The following TG variants were observed in gnomAD, a reference collection of about 807,000 sequenced individuals.
The protein encoded by TG is thyroid hormones.
A neutral mutation model predicts 324.7 loss-of-function variants in TG; 270 were observed. The observed-to-expected ratio is 0.83, with a 90% confidence interval of 0.75 to 0.92. TG has a LOEUF of 0.92. Among genes scored for constraint, TG ranks in the 40% least tolerant of loss-of-function variants. The pLI is 0.00. For missense variants in TG, 3,591 were observed against 3,456.4 expected, an observed-to-expected ratio of 1.04 and a Z score of -0.98; for synonymous variants, 1,401 against 1,327.0, an observed-to-expected ratio of 1.06 and a Z score of -1.21.
In TG at chr8:132,931,443, C is replaced by A. The variant is rs565817975; in HGVS notation, c.4817-2118C>A. 2.0e-5 allele frequency among the ~76,000 whole-genome samples: 3 copies of A among 152,212 alleles called. No homozygotes were observed. In the East Asian group the frequency reaches 5.8e-4, roughly 29 times the overall value. ...TTTAAGGGGTAGGAAAATAAAGCCA[C>A]TGAGTCAATGAAGGGTTGGATATCA... is the stretch of plus-strand genomic sequence containing the variant. On this transcript the variant is annotated intron_variant, in intron 23 of 47. Transcript: ENST00000220616.
intron 28 of TG, among the ~76,000 whole-genome samples, chr8:132,962,350 A>G (rs1024389518): frequency 2.0e-5 from 3 of 152,090 alleles, no homozygotes; most frequent in Non-Finnish European, 2.9e-5. Context: ...TGCCCATGGT[A>G]TGCCTGGGAG....
chr8:133,039,842 T>G (rs1167445797), intron 41 of TG, among the ~76,000 whole-genome samples: 1 of 152,136 alleles, frequency 6.6e-6, no homozygotes. Context: ...TCTACACTTG[T>G]GGGGGGTGCT....
chr8:133,076,278 C>T (rs913878253), intron 41 of TG, among the ~76,000 whole-genome samples: 4 of 152,186 alleles, frequency 2.6e-5, no homozygotes, highest in African/African-American at 9.7e-5. Context: ...AATCTACGGC[C>T]GGTGACCCAG....
At chr8:133,060,249 C>T (rs1389608696) in intron 41 of TG, 1 of 1,611,534 alleles carries the variant, frequency 6.2e-7, no homozygotes, top group Admixed American at 1.7e-5. Flanking sequence ...CCTGAGCCCT[C>T]CAAGTGGAGA....
intron 41 of TG, among the ~76,000 whole-genome samples, chr8:133,093,611 C>T (rs1388615780): frequency 6.6e-6 from 1 of 152,162 alleles, no homozygotes; most frequent in Non-Finnish European, 1.5e-5. Context: ...CCAGGATCCC[C>T]CAATTCCATG....
intron 41 of TG, among the ~76,000 whole-genome samples, chr8:133,093,330 A>C (rs1847880510): frequency 6.6e-6 from 1 of 151,966 alleles, no homozygotes; most frequent in South Asian, 2.1e-4. Context: ...GCTGCTTATC[A>C]GAGGATCCTG....
chr8:132,965,154 G>A (rs1014242853), intron 29 of TG, among the ~76,000 whole-genome samples: 1 of 152,116 alleles, frequency 6.6e-6, no homozygotes, highest in Non-Finnish European at 1.5e-5. Flanking sequence ...GAAGGCTGGG[G>A]AGGCAATATG....
intron 43 of TG, among the ~76,000 whole-genome samples, chr8:133,106,731 G>T (rs764142552): frequency 6.6e-6 from 1 of 152,114 alleles, no homozygotes; most frequent in Non-Finnish European, 1.5e-5. Context: ...TTCTATGCAC[G>T]AATCTTGTTC....
At chr8:133,022,519 T>C (rs1835657968) in intron 40 of TG, among the ~76,000 whole-genome samples, 1 of 152,134 alleles carries the variant, frequency 6.6e-6, no homozygotes, top group African/African-American at 2.4e-5. Flanking sequence ...TGACTTGCCC[T>C]GAACAACCCC....
chr8:132,965,012 C>G, intron 29 of TG: 2 of 683,168 alleles, frequency 2.9e-6, no homozygotes, highest in Non-Finnish European at 5.3e-6. Flanking sequence ...TTCAGTCCTG[C>G]TGCCTTGTTT....
intron 43 of TG, among the ~76,000 whole-genome samples, chr8:133,112,638 AAGAC>A (rs1406179227): frequency 6.6e-6 from 1 of 151,736 alleles, no homozygotes; most frequent in Non-Finnish European, 1.5e-5. Context: ...AGGAAAGAGA[AAGAC>A]AGAGAAAAGA....
chr8:133,091,079 C>T (rs1847435658), intron 41 of TG, among the ~76,000 whole-genome samples: 1 of 152,210 alleles, frequency 6.6e-6, no homozygotes, highest in African/African-American at 2.4e-5. Context: ...CCTGGGATTG[C>T]TCTGAGAGGT....
At chr8:133,005,343 T>C (rs1197161013) in intron 35 of TG, among the ~76,000 whole-genome samples, 1 of 152,090 alleles carries the variant, frequency 6.6e-6, no homozygotes, top group East Asian at 1.9e-4. Flanking sequence ...GTCAGATGTT[T>C]GGTGGGGACA....
At chr8:132,986,315 G>A (rs200570659) in intron 35 of TG, among the ~76,000 whole-genome samples, 3 of 150,156 alleles carry the variant, frequency 2.0e-5, no homozygotes, top group East Asian at 2.0e-4. Flanking sequence ...ATATATATAT[G>A]TGTGTGTGTG....
intron 43 of TG, among the ~76,000 whole-genome samples, chr8:133,109,311 A>G (rs779045118): frequency 3.9e-5 from 6 of 152,206 alleles, no homozygotes; most frequent in African/African-American, 7.2e-5. Flanking sequence ...TCTGTATTTT[A>G]TCAAGATTTC....
chr8:132,883,864 C>T (rs1316199765), intron 8 of TG, among the ~76,000 whole-genome samples: 1 of 152,170 alleles, frequency 6.6e-6, no homozygotes, highest in Non-Finnish European at 1.5e-5. Flanking sequence ...CTGAGAGCAA[C>T]TGAAATGTAT....
At chr8:133,056,114 G>A (rs1456748503) in intron 41 of TG, among the ~76,000 whole-genome samples, 1 of 152,074 alleles carries the variant, frequency 6.6e-6, no homozygotes, top group Non-Finnish European at 1.5e-5. Context: ...AACCACTCAG[G>A]TCTCCTTTGA....
intron 45 of TG, among the ~76,000 whole-genome samples, chr8:133,119,026 A>G (rs1439360574): frequency 6.6e-6 from 1 of 152,234 alleles, no homozygotes; most frequent in African/African-American, 2.4e-5. Flanking sequence ...GAATGCCAGT[A>G]GCAGCCAGAA....
intron 34 of TG, among the ~76,000 whole-genome samples, chr8:132,977,319 C>CACATGAGA (rs1830285972): frequency 1.3e-5 from 2 of 152,226 alleles, no homozygotes; most frequent in South Asian, 4.2e-4. Flanking sequence ...TCAGCACTGG[C>CACATGAGA]ACATGAGACA....
Sources: allele counts gnomAD v4.1 joint callset (sites outside exome capture counted in the v4.1 genomes callset), GRCh38; gene constraint gnomAD v4.1.1; transcripts MANE v1.5; gene names NCBI Gene and HGNC (gene_info 2026-07-23, HGNC 2026-07-21).